LENEP: variants seen among roughly 807,000 people sequenced by gnomAD.
The protein encoded by LENEP is lens epithelial cell protein LEP503.
In LENEP, 2 loss-of-function variants were observed where a neutral mutation model predicts 4.1. The ratio of observed to expected loss-of-function variants is 0.49; its 90% CI spans 0.20 to 1.53. LENEP has a LOEUF of 1.53. Among genes scored for constraint, LENEP ranks in the 40% most tolerant of loss-of-function variants. The pLI, the probability that LENEP is intolerant of heterozygous loss-of-function variation, is 0.23. For missense variants in LENEP, 63 were observed against 77.0 expected (o/e 0.82, Z 0.68); for synonymous variants, 30 against 33.3 (o/e 0.90, Z 0.34).
chr1:154,993,778 G>A lies in LENEP; in HGVS notation c.171G>A (p.Lys57=). 1 of 1,612,364 alleles carries A rather than the reference G, an allele frequency of 6.2e-7. No individual in the cohort carries two copies. Among genetic ancestry groups the A allele is most frequent in the South Asian group, 1.1e-5 (1 of 90,942 alleles). ...TCCTCCTCTGCTGCTGGTGTATCAAGGAACTGCTGGATTAATGGTAGCAGG... is the reference window on the plus strand; with the variant it reads ...TCCTCCTCTGCTGCTGGTGTATCAAAGAACTGCTGGATTAATGGTAGCAGG... ...AYILLCCWCI[K]ELLD The change falls in exon 1 of 1, where the codon AAG becomes AAA. Residue 57 remains lysine, a synonymous_variant. Coordinates refer to ENST00000392487, the MANE Select transcript of LENEP (RefSeq NM_001394530.1).
At position 154,993,810 on chromosome 1, in the gene LENEP, C is replaced by T. The variant is rs376207893; in HGVS notation, c.*17C>T. ...CTGGATTAATGGTAGCAGGGAACTG[C>T]CTCCTCTCCCCACCAGCACCATGGC... On this transcript the variant is annotated 3_prime_UTR_variant, in exon 1 of 1. Coordinates refer to ENST00000392487, the MANE Select transcript of LENEP (RefSeq NM_001394530.1). 2 of 1,608,716 alleles carry T rather than the reference C, an allele frequency of 1.2e-6. No individual in the cohort carries two copies. Among genetic ancestry groups the T allele is most frequent in the Non-Finnish European group, 1.7e-6 (2 of 1,177,370 alleles).
In LENEP at chr1:154,993,782, C is replaced by G. The variant is rs759306407; in HGVS notation, c.175C>G (p.Leu59Val). The G allele has an allele frequency of 1.7e-5, 28 of 1,612,030 alleles. No individual in the cohort carries two copies. The highest frequency in any genetic ancestry group is 5.0e-5 in the Admixed American group (3 of 59,840). The change falls in exon 1 of 1, where the codon CTG becomes GTG. Residue 59 changes from leucine (L) to valine (V), a missense_variant. Transcript: ENST00000392487. ...ILLCCWCIKE[L>V]LD Reference sequence around the variant, plus strand: ...CCTCTGCTGCTGGTGTATCAAGGAACTGCTGGATTAATGGTAGCAGGGAAC... The same window carrying G: ...CCTCTGCTGCTGGTGTATCAAGGAAGTGCTGGATTAATGGTAGCAGGGAAC...
rs746283977 is a variant in LENEP at position 154,993,754 on chromosome 1, C to T, written c.147C>T (p.Ile49=). 1.2e-6 allele frequency: 2 copies of T among 1,613,122 alleles called. No homozygotes were observed. Among genetic ancestry groups the T allele is most frequent in the Non-Finnish European group, 1.7e-6 (2 of 1,179,256 alleles). The part of the protein sequence containing the change: ...FQRTLKEVAY[I]LLCCWCIKEL... The stretch of plus-strand genomic sequence containing the variant: ...GGACCCTGAAGGAAGTCGCCTACAT[C>T]CTCCTCTGCTGCTGGTGTATCAAGG... Residue 49 remains isoleucine, a synonymous_variant, in exon 1 of 1, where the codon ATC becomes ATT. Coordinates refer to ENST00000392487, the MANE Select transcript of LENEP (RefSeq NM_001394530.1).
At position 154,993,886 on chromosome 1, in the gene LENEP, C is replaced by T. The variant is rs962730146; in HGVS notation, c.*93C>T. 6 of 1,252,064 alleles carry T rather than the reference C, an allele frequency of 4.8e-6. No homozygotes were observed. The Admixed American group carries it at 7.0e-5, about 15-fold the overall frequency. The allele number at this position is 1,252,064 out of a possible 1,614,324, so 77.6% of individuals were successfully genotyped here. Reference sequence around the variant, plus strand: ...GAGTAAACAGGAGGCATAGCTGCAGCTTCTGTGGCAGAGCTTGCCTTAGCT... The same window carrying T: ...GAGTAAACAGGAGGCATAGCTGCAGTTTCTGTGGCAGAGCTTGCCTTAGCT... On this transcript the variant is annotated 3_prime_UTR_variant, in exon 1 of 1. Coordinates refer to ENST00000392487, the MANE Select transcript of LENEP (RefSeq NM_001394530.1).
rs1657979454 is a variant in LENEP, at chr1:154,993,696, T to C, written c.89T>C (p.Ile30Thr). The change falls in exon 1 of 1, where the codon ATT becomes ACT. Residue 30 changes from isoleucine to threonine, a missense_variant. Physicochemically the swap from Ile to Thr is moderately conservative, Grantham distance 89. Coordinates refer to ENST00000392487, the MANE Select transcript of LENEP (RefSeq NM_001394530.1). Reference sequence around the variant, plus strand: ...GACACTGGGCTGCGGGTGCCTGTCATTAAGATGGGCACAGGGTGGGAGGGC... The same window carrying C: ...GACACTGGGCTGCGGGTGCCTGTCACTAAGATGGGCACAGGGTGGGAGGGC... The part of the protein sequence containing the change: ...PRDTGLRVPV[I>T]KMGTGWEGFQ... 1.2e-6 allele frequency: 2 copies of C among 1,612,968 alleles called. No homozygotes were observed. The highest frequency in any genetic ancestry group is 2.7e-5 in the African/African-American group (2 of 74,800).
chr1:154,993,885 G>A lies in LENEP; in HGVS notation c.*92G>A. The A allele has an allele frequency of 8.0e-7, 1 of 1,251,638 alleles. No individual in the cohort carries two copies. The highest frequency in any genetic ancestry group is 1.3e-5 in the South Asian group (1 of 75,270). 77.5% of individuals were successfully genotyped at this position (1,251,638 alleles called of 1,614,324 possible). A position where few individuals can be genotyped will look rare whatever the true frequency, so the allele number is the denominator to read the frequency against. ...AGAGTAAACAGGAGGCATAGCTGCAGCTTCTGTGGCAGAGCTTGCCTTAGC... is the reference window on the plus strand; with the variant it reads ...AGAGTAAACAGGAGGCATAGCTGCAACTTCTGTGGCAGAGCTTGCCTTAGC... On this transcript the variant is annotated 3_prime_UTR_variant, in exon 1 of 1. Coordinates refer to ENST00000392487, the MANE Select transcript of LENEP (RefSeq NM_001394530.1).
Position 154,993,987 on chromosome 1 carries a change from G to T in LENEP, c.*194G>T. 1.7e-6 allele frequency: 1 copy of T among 583,256 alleles called. No homozygotes were observed. The highest frequency in any genetic ancestry group is 3.0e-6 in the Non-Finnish European group (1 of 334,790). The allele number at this position is 583,256 out of a possible 1,614,324, so 36.1% of individuals were successfully genotyped here. On this transcript the variant is annotated 3_prime_UTR_variant, in exon 1 of 1. Coordinates refer to ENST00000392487, the MANE Select transcript of LENEP (RefSeq NM_001394530.1). ...GCCAGCTGTGCTTGACCAAGGATGG[G>T]CCATAAACAATGAGTAAACAGTAAA...
Position 154,993,638 on chromosome 1 carries a change from ACC to A in LENEP, c.33_34del (p.Leu12ThrfsTer19). ...GCCCCGGACACAGCCCCTAGCCCAA[ACC>A]CTACCCTTCTTCCTCGGAGGGGCCC... MQPRTQPLAQTLPFFLGGAPR... is the reference protein window; with the variant it reads MQPRTQPLAQXLPFFLGGAPR... On this transcript the variant is annotated frameshift_variant, in exon 1 of 1. Transcript: ENST00000392487. LOFTEE classifies it high-confidence loss of function. The A allele has an allele frequency of 1.2e-6, 2 of 1,613,056 alleles. No individual in the cohort carries two copies. Among genetic ancestry groups the A allele is most frequent in the Admixed American group, 3.3e-5 (2 of 59,858 alleles).
rs1657985091 is a variant in LENEP at position 154,993,876 on chromosome 1, A to C, written c.*83A>C. On this transcript the variant is annotated 3_prime_UTR_variant, in exon 1 of 1. Transcript: ENST00000392487. The stretch of plus-strand genomic sequence containing the variant: ...GGGCAGGGTAGAGTAAACAGGAGGC[A>C]TAGCTGCAGCTTCTGTGGCAGAGCT... 4 of 1,326,236 alleles carry C rather than the reference A, an allele frequency of 3.0e-6. No homozygotes were observed. The highest frequency in any genetic ancestry group is 4.2e-6 in the Non-Finnish European group (4 of 951,310). 82.2% of individuals were successfully genotyped at this position (1,326,236 alleles called of 1,614,324 possible).
At position 154,994,029 on chromosome 1, in the gene LENEP, G is replaced by C. The variant is rs1011705334; in HGVS notation, c.*236G>C. 2.0e-6 allele frequency: 1 copy of C among 505,038 alleles called. No homozygotes were observed. Among genetic ancestry groups the C allele is most frequent in the Non-Finnish European group, 3.5e-6 (1 of 288,296 alleles). The allele number at this position is 505,038 out of a possible 1,614,324, so 31.3% of individuals were successfully genotyped here. On this transcript the variant is annotated 3_prime_UTR_variant, in exon 1 of 1. Coordinates refer to ENST00000392487, the MANE Select transcript of LENEP (RefSeq NM_001394530.1). Reference sequence around the variant, plus strand: ...AACAGTAAAGTGTGGATCCTGCTTTGAGCTGTGTCATCTAGCAGACCTGCC... The same window carrying C: ...AACAGTAAAGTGTGGATCCTGCTTTCAGCTGTGTCATCTAGCAGACCTGCC...
In LENEP at chr1:154,993,704, G is replaced by C. The variant is rs1162542522; in HGVS notation, c.97G>C (p.Gly33Arg). ...TGLRVPVIKM[G>R]TGWEGFQRTL... ...GCTGCGGGTGCCTGTCATTAAGATGGGCACAGGGTGGGAGGGCTTCCAGCG... is the reference window on the plus strand; with the variant it reads ...GCTGCGGGTGCCTGTCATTAAGATGCGCACAGGGTGGGAGGGCTTCCAGCG... Residue 33 changes from glycine (G) to arginine (R), a missense_variant, in exon 1 of 1, where the codon GGC (glycine) becomes CGC (arginine). Transcript: ENST00000392487. The C allele has an allele frequency of 6.2e-7, 1 of 1,612,654 alleles. No individual in the cohort carries two copies. The highest frequency in any genetic ancestry group is 2.2e-5 in the East Asian group (1 of 44,820).
Position 154,993,818 on chromosome 1 carries a change from C to A in LENEP, c.*25C>A. 1 of 1,606,020 alleles carries A rather than the reference C, an allele frequency of 6.2e-7. No individual in the cohort carries two copies. The highest frequency in any genetic ancestry group is 1.3e-5 in the African/African-American group (1 of 74,438). On this transcript the variant is annotated 3_prime_UTR_variant, in exon 1 of 1. Transcript: ENST00000392487. ...ATGGTAGCAGGGAACTGCCTCCTCT[C>A]CCCACCAGCACCATGGCTGGCATCG...
Position 154,993,809 on chromosome 1 carries a change from G to A in LENEP, c.*16G>A. 6.2e-7 allele frequency: 1 copy of A among 1,609,488 alleles called. No homozygotes were observed. Among genetic ancestry groups the A allele is most frequent in the Middle Eastern group, 1.7e-4 (1 of 6,016 alleles). ...GCTGGATTAATGGTAGCAGGGAACT[G>A]CCTCCTCTCCCCACCAGCACCATGG... On this transcript the variant is annotated 3_prime_UTR_variant, in exon 1 of 1. Coordinates refer to ENST00000392487, the MANE Select transcript of LENEP (RefSeq NM_001394530.1).
At position 154,993,752 on chromosome 1, in the gene LENEP, A is replaced by G. The variant is rs1221171636; in HGVS notation, c.145A>G (p.Ile49Val). The G allele has an allele frequency of 6.2e-7, 1 of 1,613,500 alleles. No individual in the cohort carries two copies. The highest frequency in any genetic ancestry group is 8.5e-7 in the Non-Finnish European group (1 of 1,179,784). The change falls in exon 1 of 1, where the codon ATC (isoleucine) becomes GTC (valine). Residue 49 changes from isoleucine to valine, a missense_variant. Transcript: ENST00000392487. Reference protein sequence around the residue: ...FQRTLKEVAYILLCCWCIKEL... With the variant: ...FQRTLKEVAYVLLCCWCIKEL... ...GCGGACCCTGAAGGAAGTCGCCTAC[A>G]TCCTCCTCTGCTGCTGGTGTATCAA...
Position 154,994,011 on chromosome 1 carries a change from A to G in LENEP, c.*218A>G, listed in dbSNP as rs1384242758. Reference sequence around the variant, plus strand: ...GGCCATAAACAATGAGTAAACAGTAAAGTGTGGATCCTGCTTTGAGCTGTG... The same window carrying G: ...GGCCATAAACAATGAGTAAACAGTAGAGTGTGGATCCTGCTTTGAGCTGTG... On this transcript the variant is annotated 3_prime_UTR_variant, in exon 1 of 1. Coordinates refer to ENST00000392487, the MANE Select transcript of LENEP (RefSeq NM_001394530.1). The G allele has an allele frequency of 7.3e-6, 4 of 545,868 alleles. No individual in the cohort carries two copies. The highest frequency in any genetic ancestry group is 1.3e-5 in the Non-Finnish European group (4 of 311,850). The allele number at this position is 545,868 out of a possible 1,614,324, so 33.8% of individuals were successfully genotyped here. A position where few individuals can be genotyped will look rare whatever the true frequency, so the allele number is the denominator to read the frequency against.
chr1:154,993,628 C>T lies in LENEP; in HGVS notation c.21C>T (p.Pro7=), dbSNP rs1448598255. 1.2e-6 allele frequency: 2 copies of T among 1,612,778 alleles called. No homozygotes were observed. The highest frequency in any genetic ancestry group is 2.7e-5 in the African/African-American group (2 of 74,964). ...CCCACATGCAGCCCCGGACACAGCC[C>T]CTAGCCCAAACCCTACCCTTCTTCC... The part of the protein sequence containing the change: MQPRTQ[P]LAQTLPFFLG... Residue 7 remains proline, a synonymous_variant, in exon 1 of 1, where the codon CCC becomes CCT. Transcript: ENST00000392487.
rs752330339 is a variant in LENEP at position 154,993,736 on chromosome 1, GA to G, written c.131del (p.Lys44ArgfsTer43). ...TGWEGFQRTL[K>X]EVAYILLCCW... ...GGTGGGAGGGCTTCCAGCGGACCCT[GA>G]AGGAAGTCGCCTACATCCTCCTCTG... On this transcript the variant is annotated frameshift_variant, in exon 1 of 1. Transcript: ENST00000392487. LOFTEE classifies it high-confidence loss of function. 8.1e-6 allele frequency: 13 copies of G among 1,613,600 alleles called. No individual in the cohort carries two copies.
rs753388473 is a variant in LENEP, at chr1:154,993,839, C to T, written c.*46C>T. 2 of 1,577,872 alleles carry T rather than the reference C, an allele frequency of 1.3e-6. No individual in the cohort carries two copies. Among genetic ancestry groups the T allele is most frequent in the East Asian group, 2.3e-5 (1 of 44,048 alleles). ...CTCTCCCCACCAGCACCATGGCTGG[C>T]ATCGCTCAGGTGGGCAGGGTAGAGT... On this transcript the variant is annotated 3_prime_UTR_variant, in exon 1 of 1. Transcript: ENST00000392487.
chr1:154,993,949 C>G lies in LENEP; in HGVS notation c.*156C>G. Reference sequence around the variant, plus strand: ...CTTTAGCCCCCAGCCCAATTGCCATCAAGACTCCTGAAGCCAGCTGTGCTT... The same window carrying G: ...CTTTAGCCCCCAGCCCAATTGCCATGAAGACTCCTGAAGCCAGCTGTGCTT... On this transcript the variant is annotated 3_prime_UTR_variant, in exon 1 of 1. Coordinates refer to ENST00000392487, the MANE Select transcript of LENEP (RefSeq NM_001394530.1). 1.4e-6 allele frequency: 1 copy of G among 695,748 alleles called. No homozygotes were observed. The highest frequency in any genetic ancestry group is 1.9e-5 in the South Asian group (1 of 52,430). 43.1% of individuals were successfully genotyped at this position (695,748 alleles called of 1,614,324 possible). A position where few individuals can be genotyped will look rare whatever the true frequency, so the allele number is the denominator to read the frequency against.
Sources: gnomAD v4.1 joint callset for allele counts on GRCh38, gnomAD v4.1.1 for gene constraint, MANE v1.5 for transcripts, NCBI Gene and HGNC (gene_info 2026-07-23, HGNC 2026-07-21) for gene names.